The following ERC1 variants were observed in gnomAD, a reference collection of about 807,000 sequenced individuals.
ERC1 encodes RAB6 interacting protein 2.
In ERC1, 56 loss-of-function variants were observed where a neutral mutation model predicts 132.0. The observed-to-expected ratio is 0.42, with a 90% CI of 0.34 to 0.53. The LOEUF is 0.53. ERC1 is among the 20% of genes least tolerant of loss of function. The pLI, the probability that ERC1 is intolerant of heterozygous loss-of-function variation, is 0.03. For synonymous variants in ERC1, 478 were observed against 476.1 expected (o/e 1.00, Z -0.05); for missense variants, 1,202 against 1,349.9 (o/e 0.89, Z 1.72).
intron 12 of ERC1, among the ~76,000 whole-genome samples, chr12:1,219,171 C>T (rs534023991): frequency 1.3e-5 from 2 of 152,264 alleles, no homozygotes; most frequent in African/African-American, 4.8e-5. Flanking sequence ...CCATGCCTGG[C>T]CTCAGACTTC....
At chr12:1,297,164 G>A (rs2080019530) in intron 15 of ERC1, among the ~76,000 whole-genome samples, 2 of 149,080 alleles carry the variant, frequency 1.3e-5, no homozygotes, top group African/African-American at 5.0e-5. Context: ...GAAACAGTGA[G>A]GACCTGAAGA....
chr12:1,016,937 C>T (rs1965621202), intron 1 of ERC1, among the ~76,000 whole-genome samples: 2 of 152,024 alleles, frequency 1.3e-5, no homozygotes, highest in East Asian at 1.9e-4. Flanking sequence ...AGGCGTGAGC[C>T]ACCGTGCCCG....
chr12:1,040,119 C>T (rs1240612690), intron 2 of ERC1, among the ~76,000 whole-genome samples: 1 of 152,080 alleles, frequency 6.6e-6, no homozygotes, highest in Non-Finnish European at 1.5e-5. Flanking sequence ...GTACCTACCT[C>T]TGTTGTGATA....
rs373799510 is a variant in ERC1 at position 1,419,381 on chromosome 12, TG to T, written c.3024+11135del. 9.9e-5 allele frequency among the ~76,000 whole-genome samples: 15 copies of T among 151,800 alleles called. No homozygotes were observed. The East Asian group carries it at 2.3e-3, about 23-fold the overall frequency. ...TATACGTCCTGGATACATTTCTTTA[TG>T]TAGATATGACATACCTTTCTTGCTT... On this transcript the variant is annotated intron_variant, in intron 17 of 18. Coordinates refer to ENST00000360905, the MANE Select transcript of ERC1 (RefSeq NM_178040.4).
intron 17 of ERC1, among the ~76,000 whole-genome samples, chr12:1,441,899 T>C (rs1480869279): frequency 6.6e-6 from 1 of 152,166 alleles, no homozygotes; most frequent in Non-Finnish European, 1.5e-5. Flanking sequence ...TGGAATCCTT[T>C]GTAAATTTTC....
intron 17 of ERC1, among the ~76,000 whole-genome samples, chr12:1,417,170 C>T (rs968121963): frequency 2.0e-5 from 3 of 152,184 alleles, no homozygotes; most frequent in Non-Finnish European, 4.4e-5. Flanking sequence ...CTTCCCTCCT[C>T]TCCACAAAGA....
intron 15 of ERC1, among the ~76,000 whole-genome samples, chr12:1,293,792 T>C (rs978105133): frequency 6.6e-6 from 1 of 152,168 alleles, no homozygotes; most frequent in Non-Finnish European, 1.5e-5. Context: ...GCATTCTGAG[T>C]TACATAAGAG....
intron 5 of ERC1, among the ~76,000 whole-genome samples, 171 bp from the exon 6 acceptor site, chr12:1,112,044 A>C (rs1593367131): frequency 4.4e-5 from 1 of 22,974 alleles, no homozygotes; most frequent in East Asian, 1.8e-3. Context: ...GGGGGAAAAA[A>C]CCTGTGAACT....
At chr12:1,231,457 G>A (rs1482987428) in intron 12 of ERC1, among the ~76,000 whole-genome samples, 1 of 152,054 alleles carries the variant, frequency 6.6e-6, no homozygotes, top group Non-Finnish European at 1.5e-5. Context: ...TATGTACCAC[G>A]ATTACAGCAT....
chr12:1,269,029 T>C (rs1298676022), intron 14 of ERC1, among the ~76,000 whole-genome samples: 3 of 152,212 alleles, frequency 2.0e-5, no homozygotes, highest in African/African-American at 7.2e-5. Context: ...GTAGAGAACC[T>C]TTGAACAAAG....
chr12:1,434,391 T>C (rs2092891570), intron 17 of ERC1, among the ~76,000 whole-genome samples: 1 of 152,222 alleles, frequency 6.6e-6, no homozygotes, highest in Non-Finnish European at 1.5e-5. Context: ...ACTTTACAGC[T>C]AAACTAGGAG....
chr12:1,444,444 T>C, intron 17 of ERC1, 118 bp from the exon 18 acceptor site: 1 of 671,208 alleles, frequency 1.5e-6, no homozygotes, highest in Non-Finnish European at 2.4e-6. Context: ...TAGAAGAGCT[T>C]TAGTCTTTGG....
At chr12:1,420,955 A>G (rs1223732867) in intron 17 of ERC1, among the ~76,000 whole-genome samples, 3 of 128,290 alleles carry the variant, frequency 2.3e-5, no homozygotes, top group Admixed American at 8.2e-5. Flanking sequence ...GCATTCTATT[A>G]TTGTATTTAA....
intron 8 of ERC1, among the ~76,000 whole-genome samples, chr12:1,148,415 T>A (rs2968888): frequency 0.13 from 19,731 of 151,908 alleles, 4,236 homozygotes; most frequent in African/African-American, 0.45. Flanking sequence ...TCTTGTATAT[T>A]TTTTCTTTGT....
In ERC1 at chr12:1,101,113, G is replaced by A. The variant is rs187630595; in HGVS notation, c.1087-3637G>A. 3.4e-3 allele frequency among the ~76,000 whole-genome samples: 513 copies of A among 152,264 alleles called. 4 individuals carry two copies. The highest frequency in any genetic ancestry group is 0.012 in the African/African-American group (482 of 41,548). ...TGTGGAGGTCGTCAGTGACCCTGAT[G>A]AATTGCATAGATGATTATTTGATTA... On this transcript the variant is annotated intron_variant, in intron 3 of 18. Coordinates refer to ENST00000360905, the MANE Select transcript of ERC1 (RefSeq NM_178040.4).
rs143032777 is a variant in ERC1 at position 1,464,130 on chromosome 12, A to G, written c.3213+19380A>G. 8.0e-3 allele frequency among the ~76,000 whole-genome samples: 1,218 copies of G among 152,308 alleles called. 24 individuals are homozygous for G. Among genetic ancestry groups the G allele is most frequent in the African/African-American group, 0.028 (1,161 of 41,534 alleles). On this transcript the variant is annotated intron_variant, in intron 18 of 18. Coordinates refer to ENST00000360905, the MANE Select transcript of ERC1 (RefSeq NM_178040.4). ...ACACAGATATTAAGTATTATTTGCA[A>G]TTCACTCCCGATGGATGTGAGAACT...
At chr12:1,058,639 C>G (rs1030503430) in intron 2 of ERC1, among the ~76,000 whole-genome samples, 1 of 151,976 alleles carries the variant, frequency 6.6e-6, no homozygotes, top group African/African-American at 2.4e-5. Context: ...ATGTCTTCTG[C>G]TTTGTTCTTT....
intron 7 of ERC1, among the ~76,000 whole-genome samples, chr12:1,136,211 A>G (rs1247145246): frequency 1.3e-5 from 2 of 152,174 alleles, no homozygotes; most frequent in African/African-American, 2.4e-5. Context: ...TGCACCTCAC[A>G]TAACTTACCA....
At chr12:1,433,768 C>T (rs556920768) in intron 17 of ERC1, among the ~76,000 whole-genome samples, 16 of 152,258 alleles carry the variant, frequency 1.1e-4, no homozygotes, top group African/African-American at 3.6e-4. Flanking sequence ...GTTGCTGAAG[C>T]CCACAAGGCA....
Sources: allele counts gnomAD v4.1 joint callset (sites outside exome capture counted in the v4.1 genomes callset), GRCh38; gene constraint gnomAD v4.1.1; transcripts MANE v1.5; gene names NCBI Gene and HGNC (gene_info 2026-07-23, HGNC 2026-07-21).